The following AGXT2 variants were observed in gnomAD, a reference collection of about 807,000 sequenced individuals.
The protein encoded by AGXT2 is alanine--glyoxylate aminotransferase 2, mitochondrial.
A neutral mutation model predicts 62.5 loss-of-function variants in AGXT2; 61 were observed. The ratio of observed to expected loss-of-function variants is 0.98; its 90% confidence interval spans 0.79 to 1.21. The LOEUF (loss-of-function observed/expected upper bound fraction) is 1.21, where lower values mean the gene tolerates loss of function less well. Ranked by LOEUF, AGXT2 falls within the 50% of genes most tolerant of loss-of-function variation. AGXT2 has a pLI of 0.00. For synonymous variants in AGXT2, 243 were observed against 218.7 expected (o/e 1.11, Z -0.98); for missense variants, 666 against 641.5 (o/e 1.04, Z -0.41).
chr5:35,009,906 T>G, intron 12 of AGXT2, 94 bp downstream of exon 12: 1 of 1,549,860 alleles, frequency 6.5e-7, no homozygotes, highest in South Asian at 1.1e-5. Flanking sequence ...GTGTCTGCTC[T>G]CTCCTTGAGA....
chr5:35,047,762 C>A lies in AGXT2; in HGVS notation c.88+43G>T, dbSNP rs183026427. The A allele has an allele frequency of 1.1e-4, 180 of 1,608,840 alleles. 2 individuals carry two copies. In the East Asian group the frequency reaches 3.5e-3, roughly 31 times the overall value. ...CTTCGGAGCTCAAGTCTTACCCTCTCGCTGATCCTCTACTGACCCACGTCC... is the reference window on the plus strand; with the variant it reads ...CTTCGGAGCTCAAGTCTTACCCTCTAGCTGATCCTCTACTGACCCACGTCC... On this transcript the variant is annotated intron_variant, in intron 1 of 13. Coordinates refer to ENST00000231420, the MANE Select transcript of AGXT2 (RefSeq NM_031900.4).
At chr5:35,036,840 A>G (rs1167904681) in intron 4 of AGXT2, 102 bp downstream of exon 4, 17 of 1,558,566 alleles carry the variant, frequency 1.1e-5, no homozygotes, top group East Asian at 6.8e-5. Flanking sequence ...CTTCCTAGGG[A>G]CGCTCCCCTA....
chr5:35,034,053 C>T (rs898238133), intron 5 of AGXT2, among the ~76,000 whole-genome samples: 3 of 152,098 alleles, frequency 2.0e-5, no homozygotes, highest in African/African-American at 7.2e-5. Flanking sequence ...AGTATAAATG[C>T]TCCTAATCAT....
At chr5:35,031,156 G>A (rs1767547200) in intron 7 of AGXT2, among the ~76,000 whole-genome samples, 1 of 152,180 alleles carries the variant, frequency 6.6e-6, no homozygotes, top group Non-Finnish European at 1.5e-5. Context: ...TGTGGATGAG[G>A]ATGGCTATAG....
At chr5:35,035,680 C>G (rs945013465) in intron 4 of AGXT2, among the ~76,000 whole-genome samples, 2 of 152,150 alleles carry the variant, frequency 1.3e-5, no homozygotes, top group African/African-American at 2.4e-5. Flanking sequence ...TAACTCTAAC[C>G]CAGTCACCTG....
intron 1 of AGXT2, among the ~76,000 whole-genome samples, chr5:35,044,460 T>C (rs1306747185): frequency 6.6e-6 from 1 of 152,208 alleles, no homozygotes; most frequent in African/African-American, 2.4e-5. Flanking sequence ...GTCCCCTCTG[T>C]CCCATGCGTG....
At chr5:35,030,141 T>C (rs425572) in intron 7 of AGXT2, among the ~76,000 whole-genome samples, 142,799 of 152,286 alleles carry the variant, frequency 0.94, 67,419 homozygotes, top group Non-Finnish European at 1. Context: ...TGAAGGAGAC[T>C]GGGGTCTTTC....
rs773404045 is a variant in AGXT2, at chr5:35,003,808, G to T, written c.1392C>A (p.Cys464Ter). Residue 464 changes from cysteine (C) to a stop codon, truncating the protein, a stop_gained, in exon 13 of 14, where the codon TGC (cysteine) becomes TGA (stop). Coordinates refer to ENST00000231420, the MANE Select transcript of AGXT2 (RefSeq NM_031900.4). LOFTEE classifies it high-confidence loss of function. ...TGCCAACGAGGAGTCCCATGTGCTT[G>T]CAGTCCTCATGGATCTGATTTACTT... The part of the protein sequence containing the change: ...REEVNQIHED[C>*]KHMGLLVGRG... The T allele has an allele frequency of 6.2e-7, 1 of 1,614,214 alleles. No individual in the cohort carries two copies. Among genetic ancestry groups the T allele is most frequent in the Admixed American group, 1.7e-5 (1 of 60,030 alleles).
At position 35,039,306 on chromosome 5, in the gene AGXT2, G is replaced by C; in HGVS notation, c.362+18C>G. 1 of 1,612,702 alleles carries C rather than the reference G, an allele frequency of 6.2e-7. No individual in the cohort carries two copies. The highest frequency in any genetic ancestry group is 8.5e-7 in the Non-Finnish European group (1 of 1,178,742). On this transcript the variant is annotated intron_variant, in intron 3 of 13. Transcript: ENST00000231420. ...CATTCTTTTGGAATAAAAATCTCCA[G>C]ATTTTAAGGATACTCACGGGTGGCA...
At chr5:35,039,611 C>A (rs1193087694) in intron 2 of AGXT2, 103 bp from the exon 3 acceptor site, 2 of 1,268,358 alleles carry the variant, frequency 1.6e-6, no homozygotes, top group Non-Finnish European at 2.3e-6. Flanking sequence ...GAGAAGAGGG[C>A]TGCTGGCCTG....
chr5:35,047,116 A>C (rs1768249549), intron 1 of AGXT2, among the ~76,000 whole-genome samples: 2 of 152,122 alleles, frequency 1.3e-5, no homozygotes, highest in East Asian at 3.9e-4. Context: ...GCATGATGAA[A>C]ATTCATGCAG....
intron 11 of AGXT2, among the ~76,000 whole-genome samples, chr5:35,012,216 C>G (rs1283496762): frequency 1.3e-5 from 2 of 151,240 alleles, no homozygotes; most frequent in South Asian, 2.1e-4. Flanking sequence ...GACTTGTATC[C>G]CAAAAGCTAT....
At position 35,035,308 on chromosome 5, in the gene AGXT2, G is replaced by GAA. The variant is rs769989698; in HGVS notation, c.493_494dup (p.Leu166SerfsTer3). ...TGGCTTCTGAGCCACTGTTCACCAA[G>GAA]AAAATGACCTGGAGAGGAAAGGAAG... On this transcript the variant is annotated frameshift_variant, in exon 5 of 14. Coordinates refer to ENST00000231420, the MANE Select transcript of AGXT2 (RefSeq NM_031900.4). LOFTEE classifies it high-confidence loss of function. The GAA allele has an allele frequency of 5.8e-5, 94 of 1,613,684 alleles. No homozygotes were observed. The highest frequency in any genetic ancestry group is 7.7e-5 in the Non-Finnish European group (91 of 1,179,886).
chr5:35,045,917 G>A (rs1050803409), intron 1 of AGXT2, among the ~76,000 whole-genome samples: 3 of 151,824 alleles, frequency 2.0e-5, no homozygotes, highest in African/African-American at 2.4e-5. Context: ...ACAGGCGTTC[G>A]CCACCATGCC....
chr5:35,006,866 G>A (rs1272107020), intron 12 of AGXT2, among the ~76,000 whole-genome samples: 1 of 152,062 alleles, frequency 6.6e-6, no homozygotes, highest in East Asian at 1.9e-4. Flanking sequence ...GTGTTGCAGG[G>A]GCCTGAAATT....
At chr5:35,007,848 A>G (rs1007240464) in intron 12 of AGXT2, among the ~76,000 whole-genome samples, 2 of 152,042 alleles carry the variant, frequency 1.3e-5, no homozygotes, top group Non-Finnish European at 2.9e-5. Flanking sequence ...TCCCTCATGA[A>G]TGTCTTGGTG....
intron 6 of AGXT2, chr5:35,033,257 C>T (rs1438792976): frequency 3.5e-6 from 2 of 577,694 alleles, no homozygotes; most frequent in African/African-American, 3.8e-5. Flanking sequence ...CATTTTAAAA[C>T]TCTGTCATTA....
Position 34,998,519 on chromosome 5 carries a change from C to T in AGXT2, c.*200G>A. On this transcript the variant is annotated 3_prime_UTR_variant, in exon 14 of 14. Transcript: ENST00000231420. ...ATTCTCTGAGCTAGGGAGATCCTTT[C>T]CCTGAAGAATGGAGTTCTCAAGATA... 1 of 614,478 alleles carries T rather than the reference C, an allele frequency of 1.6e-6. No homozygotes were observed. Among genetic ancestry groups the T allele is most frequent in the East Asian group, 2.8e-5 (1 of 36,312 alleles). 38.1% of individuals were successfully genotyped at this position (614,478 alleles called of 1,614,324 possible).
rs534503709 is a variant in AGXT2 at position 35,036,034 on chromosome 5, G to T, written c.487-718C>A. The stretch of plus-strand genomic sequence containing the variant: ...AGAGATTGCAGTGAGCCGAGATTGC[G>T]CCATTGCACTGCAGCCTGGGTGACA... On this transcript the variant is annotated intron_variant, in intron 4 of 13. Coordinates refer to ENST00000231420, the MANE Select transcript of AGXT2 (RefSeq NM_031900.4). Among the ~76,000 whole-genome samples, 169 of 151,956 alleles carry T rather than the reference G, an allele frequency of 1.1e-3. 1 individual carries two copies. Among genetic ancestry groups the T allele is most frequent in the Admixed American group, 3.2e-3 (49 of 15,278 alleles).
Sources: allele counts gnomAD v4.1 joint callset (sites outside exome capture counted in the v4.1 genomes callset), GRCh38; gene constraint gnomAD v4.1.1; transcripts MANE v1.5; gene names NCBI Gene and HGNC (gene_info 2026-07-23, HGNC 2026-07-21).